The following SLC17A8 variants were observed in gnomAD, a reference collection of about 807,000 sequenced individuals.
The protein encoded by SLC17A8 is solute carrier family 17 member 8.
A neutral mutation model predicts 58.0 loss-of-function variants in SLC17A8; 31 were observed. That is an observed-to-expected ratio of 0.53 (90% CI 0.40 to 0.72). The LOEUF is 0.72. Ranked by LOEUF, SLC17A8 falls within the 30% of genes least tolerant of loss-of-function variation. The probability of loss-of-function intolerance (pLI) is 0.00; values close to 1 mark genes in which losing one functional copy is unlikely to be tolerated. For missense variants in SLC17A8, 655 were observed against 727.8 expected, an observed-to-expected ratio of 0.90 and a Z score of 1.15; for synonymous variants, 228 against 249.0, an observed-to-expected ratio of 0.92 and a Z score of 0.79.
intron 11 of SLC17A8, 61 bp from the exon 12 acceptor site, chr12:100,419,754 A>G: frequency 6.5e-7 from 1 of 1,539,738 alleles, no homozygotes; most frequent in Non-Finnish European, 8.9e-7. Context: ...GGCCTCCAGG[A>G]CATACTGGTA....
At chr12:100,395,345 G>A (rs867614213) in intron 4 of SLC17A8, among the ~76,000 whole-genome samples, 1 of 83,862 alleles carries the variant, frequency 1.2e-5, no homozygotes, top group Non-Finnish European at 2.4e-5. Flanking sequence ...TTTTTTTTTT[G>A]AGACAGAGTC....
At chr12:100,398,726 G>A (rs181416945) in intron 5 of SLC17A8, among the ~76,000 whole-genome samples, 345 of 152,248 alleles carry the variant, frequency 2.3e-3, no homozygotes, top group Non-Finnish European at 3.5e-3. Context: ...TGGCTCTGTC[G>A]CCACCCAAAT....
intron 2 of SLC17A8, among the ~76,000 whole-genome samples, chr12:100,385,553 A>T (rs1952668488): frequency 6.6e-6 from 1 of 152,036 alleles, no homozygotes; most frequent in Non-Finnish European, 1.5e-5. Flanking sequence ...GGCTGTCTCT[A>T]CTCAGGTGTC....
In SLC17A8 at chr12:100,394,603, A is replaced by C. The variant is rs374015330; in HGVS notation, c.588+1120A>C. On this transcript the variant is annotated intron_variant, in intron 4 of 11. Transcript: ENST00000323346. ...TTTTTAGTAGAGATGGGGTTTTACCATGTTGGCCAGGCTGGTCTTGAACTC... is the reference window on the plus strand; with the variant it reads ...TTTTTAGTAGAGATGGGGTTTTACCCTGTTGGCCAGGCTGGTCTTGAACTC... 6.0e-5 allele frequency among the ~76,000 whole-genome samples: 9 copies of C among 150,612 alleles called. No homozygotes were observed. The East Asian group carries it at 1.2e-3, about 20-fold the overall frequency.
In SLC17A8 at chr12:100,420,089, G is replaced by T; in HGVS notation, c.1700G>T (p.Gly567Val). Residue 567 changes from glycine to valine, a missense_variant, in exon 12 of 12, where the codon GGA becomes GTA. By Grantham distance (109) the Gly-to-Val change is moderately radical. Transcript: ENST00000323346. ...VQKKEWKGQR[G>V]ATLDEEELTS... ...AAGAAGGAATGGAAAGGACAGAGAG[G>T]AGCGACCCTTGATGAGGAAGAGCTG... is the stretch of plus-strand genomic sequence containing the variant. 6.2e-7 allele frequency: 1 copy of T among 1,614,090 alleles called. No homozygotes were observed.
intron 1 of SLC17A8, among the ~76,000 whole-genome samples, chr12:100,366,327 T>C (rs1435264624): frequency 1.3e-5 from 2 of 152,126 alleles, no homozygotes; most frequent in Non-Finnish European, 2.9e-5. Flanking sequence ...CTTCCAATTA[T>C]ACATGTGGGA....
At chr12:100,404,289 G>C (rs1198958702) in intron 9 of SLC17A8, 119 bp downstream of exon 9, 1 of 1,327,512 alleles carries the variant, frequency 7.5e-7, no homozygotes, top group Admixed American at 1.8e-5. Flanking sequence ...AGACCTCTAA[G>C]TCTGTCCCTC....
chr12:100,375,771 C>T (rs79363689), intron 1 of SLC17A8, among the ~76,000 whole-genome samples: 1,609 of 152,294 alleles, frequency 0.011, 27 homozygotes, highest in African/African-American at 0.037. Flanking sequence ...GCACTTTTTA[C>T]GTACCAGGCA....
rs369898553 is a variant in SLC17A8, at chr12:100,417,305, GAT to G, written c.1298-721_1298-720del. Among the ~76,000 whole-genome samples, 36 of 152,318 alleles carry G rather than the reference GAT, an allele frequency of 2.4e-4. No individual in the cohort carries two copies. In the East Asian group the frequency reaches 6.8e-3, roughly 29 times the overall value. On this transcript the variant is annotated intron_variant, in intron 10 of 11. Transcript: ENST00000323346. ...TAGTAGTGGTAGTTAGCATAGCTTT[GAT>G]ATTTGCCAAGGGCTTCACATACCTA... is the stretch of plus-strand genomic sequence containing the variant.
chr12:100,371,894 TCA>T (rs1952561540), intron 1 of SLC17A8, among the ~76,000 whole-genome samples: 1 of 152,202 alleles, frequency 6.6e-6, no homozygotes, highest in African/African-American at 2.4e-5. Context: ...TCTGAGCGTC[TCA>T]GTCTTCTGAG....
chr12:100,376,980 T>C (rs1467426041), intron 1 of SLC17A8, among the ~76,000 whole-genome samples: 1 of 152,146 alleles, frequency 6.6e-6, no homozygotes, highest in African/African-American at 2.4e-5. Context: ...TGGCTAATTT[T>C]TGCATTTTTA....
At chr12:100,389,435 A>G (rs1022088054) in intron 2 of SLC17A8, among the ~76,000 whole-genome samples, 6 of 152,166 alleles carry the variant, frequency 3.9e-5, no homozygotes, top group African/African-American at 1.2e-4. Flanking sequence ...TCTTTGTGCT[A>G]TCACAAAACT....
At chr12:100,399,519 G>A (rs915641995) in intron 5 of SLC17A8, among the ~76,000 whole-genome samples, 6 of 152,116 alleles carry the variant, frequency 3.9e-5, no homozygotes, top group African/African-American at 1.4e-4. Flanking sequence ...GGCTGGGGAG[G>A]CCTCAAGGAA....
intron 2 of SLC17A8, among the ~76,000 whole-genome samples, chr12:100,387,280 A>G (rs189201981): frequency 6.6e-5 from 10 of 152,262 alleles, no homozygotes; most frequent in Admixed American, 4.6e-4. Flanking sequence ...TTTGTTTTTG[A>G]TAATGGTCAT....
chr12:100,394,130 C>G (rs12831465), intron 4 of SLC17A8, among the ~76,000 whole-genome samples: 45,745 of 151,918 alleles, frequency 0.3, 8,945 homozygotes, highest in Non-Finnish European at 0.43. Context: ...ATGTAAAAAA[C>G]ATTCTTAGCT....
At chr12:100,383,444 C>G (rs1307891894) in intron 2 of SLC17A8, among the ~76,000 whole-genome samples, 1 of 152,124 alleles carries the variant, frequency 6.6e-6, no homozygotes, top group Non-Finnish European at 1.5e-5. Flanking sequence ...TCTTGTCCGC[C>G]TAGAACAAAG....
In SLC17A8 at chr12:100,368,612, G is replaced by A. The variant is rs146374342; in HGVS notation, c.101+11120G>A. On this transcript the variant is annotated intron_variant, in intron 1 of 11. Transcript: ENST00000323346. ...TCTAGTACATTCAGGATCCATTCCC[G>A]GGCATACTTTCCTGCTTCTTGATGT... 2.3e-3 allele frequency among the ~76,000 whole-genome samples: 347 copies of A among 152,068 alleles called. 9 individuals carry two copies. The highest frequency in any genetic ancestry group is 0.022 in the Admixed American group (339 of 15,280).
At chr12:100,361,384 T>A (rs1255047751) in intron 1 of SLC17A8, among the ~76,000 whole-genome samples, 1 of 152,250 alleles carries the variant, frequency 6.6e-6, no homozygotes, top group Non-Finnish European at 1.5e-5. Flanking sequence ...TTCGCCCTGT[T>A]TCTTTTGCTT....
intron 2 of SLC17A8, among the ~76,000 whole-genome samples, chr12:100,382,336 C>T (rs1289674943): frequency 6.6e-6 from 1 of 152,198 alleles, no homozygotes; most frequent in Non-Finnish European, 1.5e-5. Flanking sequence ...AGCAAGGATA[C>T]TTCGAAGTGA....
Sources: allele counts gnomAD v4.1 joint callset (sites outside exome capture counted in the v4.1 genomes callset), GRCh38; gene constraint gnomAD v4.1.1; transcripts MANE v1.5; gene names NCBI Gene and HGNC (gene_info 2026-07-23, HGNC 2026-07-21).